Variants in OSBPL10 observed in about 807,000 individuals in gnomAD.
OSBPL10 encodes the protein oxysterol-binding protein-related protein 10.
Under a neutral mutation model 81.7 loss-of-function variants are expected in OSBPL10, and 49 were observed. The observed-to-expected ratio is 0.60, with a 90% CI of 0.48 to 0.76. The LOEUF is 0.76. OSBPL10 is among the 30% of genes least tolerant of loss of function. The pLI is 0.00. For synonymous variants in OSBPL10, 419 were observed against 383.6 expected, an observed-to-expected ratio of 1.09 and a Z score of -1.08; for missense variants, 923 against 987.8, an observed-to-expected ratio of 0.93 and a Z score of 0.88.
At chr3:32,033,613 T>C (rs1418180066) in intron 2 of OSBPL10, among the ~76,000 whole-genome samples, 1 of 152,236 alleles carries the variant, frequency 6.6e-6, no homozygotes, top group Non-Finnish European at 1.5e-5. Context: ...CAGAGTTTCA[T>C]TAACGGTATT....
intron 10 of OSBPL10, among the ~76,000 whole-genome samples, chr3:31,667,186 C>A (rs1255136800): frequency 6.6e-6 from 1 of 152,226 alleles, no homozygotes; most frequent in African/African-American, 2.4e-5. Flanking sequence ...ACAGGTTTCC[C>A]CATTCTGGGA....
chr3:31,914,304 T>C (rs934502151), intron 1 of OSBPL10, among the ~76,000 whole-genome samples: 2 of 152,214 alleles, frequency 1.3e-5, no homozygotes, highest in Admixed American at 6.5e-5. Context: ...TCAGAGGTAT[T>C]GGTGAATAAA....
At chr3:31,918,192 C>T (rs1253285141) in intron 1 of OSBPL10, among the ~76,000 whole-genome samples, 1 of 152,104 alleles carries the variant, frequency 6.6e-6, no homozygotes, top group Non-Finnish European at 1.5e-5. Flanking sequence ...TTCACTTAAC[C>T]TTTATGCCAG....
At chr3:31,790,375 G>A (rs145968988) in intron 4 of OSBPL10, among the ~76,000 whole-genome samples, 343 of 152,326 alleles carry the variant, frequency 2.3e-3, no homozygotes, top group African/African-American at 7.7e-3. Context: ...AAGACCATTT[G>A]TGTGTGGCAG....
At chr3:32,013,550 T>C (rs1272180109) in intron 2 of OSBPL10, among the ~76,000 whole-genome samples, 2 of 151,532 alleles carry the variant, frequency 1.3e-5, no homozygotes, top group African/African-American at 2.4e-5. Flanking sequence ...GAAGCAAGAG[T>C]AATCACATTC....
upstream of OSBPL10, among the ~76,000 whole-genome samples, chr3:31,981,609 C>A: frequency 6.6e-6 from 1 of 152,168 alleles, no homozygotes; most frequent in Middle Eastern, 3.2e-3. This position sits in a 1 kb window ranked among gnomAD's most constrained non-coding sequence, Gnocchi z 4.5. Flanking sequence ...TTCTGCCACC[C>A]TCTCTTGGAT....
chr3:31,865,490 A>T (rs1701156010), intron 3 of OSBPL10, among the ~76,000 whole-genome samples: 1 of 152,188 alleles, frequency 6.6e-6, no homozygotes, highest in South Asian at 2.1e-4. Context: ...AATCCCTTTC[A>T]ATCTGCTATG....
At position 31,808,761 on chromosome 3, in the gene OSBPL10, G is replaced by T. The variant is rs185842557; in HGVS notation, c.729+21279C>A. On this transcript the variant is annotated intron_variant, in intron 4 of 11. Transcript: ENST00000396556. ...CTCTTCGCTTTACTTCATAAAACCT[G>T]ACATTTATTAATCATTTGATTTCTG... Among the ~76,000 whole-genome samples, 118 of 152,240 alleles carry T rather than the reference G, an allele frequency of 7.8e-4. 1 individual carries two copies. The East Asian group carries it at 0.021, about 27-fold the overall frequency.
chr3:31,967,203 C>T (rs1045713105), intron 1 of OSBPL10, among the ~76,000 whole-genome samples: 2 of 152,108 alleles, frequency 1.3e-5, no homozygotes, highest in Admixed American at 1.3e-4. Flanking sequence ...CAGCTCTGGA[C>T]AGGAATGCAG....
intron 5 of OSBPL10, among the ~76,000 whole-genome samples, chr3:31,739,532 T>C (rs1005435960): frequency 3.9e-5 from 6 of 152,196 alleles, no homozygotes; most frequent in African/African-American, 1.2e-4. Flanking sequence ...CCTGATCCAA[T>C]TGGATTAGTG....
Position 31,717,127 on chromosome 3 carries a change from G to A in OSBPL10, c.1096-14619C>T, listed in dbSNP as rs375492531. 9.2e-5 allele frequency: 14 copies of A among 152,264 alleles called. 1 individual carries two copies. Among genetic ancestry groups the A allele is most frequent in the East Asian group, 7.7e-4 (4 of 5,184 alleles). The allele number at this position is 152,264 out of a possible 1,614,324, so 9.4% of individuals were successfully genotyped here. On this transcript the variant is annotated intron_variant, in intron 6 of 11. Transcript: ENST00000396556. ...AAGCAAAATGCATTAAGAACTCTTC[G>A]GCAGATAATGTTATAATGTTCTCTC...
intron 1 of OSBPL10, among the ~76,000 whole-genome samples, chr3:31,929,867 C>T (rs1384814084): frequency 6.6e-6 from 1 of 151,944 alleles, no homozygotes; most frequent in Non-Finnish European, 1.5e-5. Flanking sequence ...GGCATGGCGA[C>T]TCATGCCTGT....
intron 3 of OSBPL10, among the ~76,000 whole-genome samples, chr3:31,869,530 A>C (rs1045516006): frequency 2.6e-5 from 4 of 152,222 alleles, no homozygotes; most frequent in African/African-American, 4.8e-5. Flanking sequence ...AAGATTGAGG[A>C]AGGATTCCTT....
intron 2 of OSBPL10, among the ~76,000 whole-genome samples, chr3:32,024,253 C>A (rs996164887): frequency 6.6e-6 from 1 of 152,104 alleles, no homozygotes; most frequent in Non-Finnish European, 1.5e-5. Context: ...AAATAGCCTG[C>A]TTGGGATTTT....
At chr3:31,832,629 G>A (rs145172744) in intron 3 of OSBPL10, among the ~76,000 whole-genome samples, 4 of 152,256 alleles carry the variant, frequency 2.6e-5, no homozygotes, top group African/African-American at 9.6e-5. Flanking sequence ...AGAGACAGAC[G>A]GAGGGAAACA....
In OSBPL10 at chr3:31,963,162, T is replaced by G. The variant is rs933422822; in HGVS notation, c.281+17737A>C. Among the ~76,000 whole-genome samples the G allele has an allele frequency of 3.9e-5, 6 of 151,996 alleles. 1 individual carries two copies. The highest frequency in any genetic ancestry group is 9.7e-5 in the African/African-American group (4 of 41,382). The stretch of plus-strand genomic sequence containing the variant: ...TTATTGATGTTTGCGTACATCTGCT[T>G]TATCATGCTCTCTAGCCATCTCTCC... On this transcript the variant is annotated intron_variant, in intron 1 of 11. Transcript: ENST00000396556.
At chr3:31,880,925 C>T (rs927846250) in intron 1 of OSBPL10, among the ~76,000 whole-genome samples, 1 of 152,210 alleles carries the variant, frequency 6.6e-6, no homozygotes, top group Admixed American at 6.5e-5. Flanking sequence ...ACACAAGCTA[C>T]ATACTAGTCA....
intron 1 of OSBPL10, among the ~76,000 whole-genome samples, chr3:31,972,455 G>C (rs1031166584): frequency 6.6e-6 from 1 of 152,190 alleles, no homozygotes; most frequent in African/African-American, 2.4e-5. Context: ...GCCCAGATCA[G>C]CTGCAGCGGT....
chr3:31,784,242 G>A (rs1232102326), intron 4 of OSBPL10, among the ~76,000 whole-genome samples: 1 of 151,542 alleles, frequency 6.6e-6, no homozygotes, highest in Non-Finnish European at 1.5e-5. Context: ...TGCGCCTTTA[G>A]TCCCAGCTAC....
Sources: gnomAD v4.1 joint callset for allele counts (sites outside exome capture counted in the v4.1 genomes callset) on GRCh38, gnomAD v4.1.1 for gene constraint, Gnocchi (gnomAD v3.1) non-coding constraint, MANE v1.5 for transcripts, NCBI Gene and HGNC (gene_info 2026-07-23, HGNC 2026-07-21) for gene names.